ST6GAL1: variants seen among roughly 807,000 people sequenced by gnomAD.
The protein encoded by ST6GAL1 is beta-galactoside alpha-2,6-sialyltransferase 1.
A neutral mutation model predicts 38.0 loss-of-function variants in ST6GAL1; 20 were observed. The ratio of observed to expected loss-of-function variants is 0.53; its 90% CI spans 0.37 to 0.77. ST6GAL1 has a LOEUF of 0.77. Among genes scored for constraint, ST6GAL1 ranks in the 30% least tolerant of loss-of-function variants. The pLI is 0.00. For missense variants in ST6GAL1, 432 were observed against 496.4 expected (o/e 0.87, Z 1.23); for synonymous variants, 196 against 188.2 (o/e 1.04, Z -0.34).
chr3:186,985,422 A>T (rs1037567318), intron 2 of ST6GAL1, among the ~76,000 whole-genome samples: 48 of 150,584 alleles, frequency 3.2e-4, no homozygotes, highest in South Asian at 8.4e-4. Context: ...TGTTTAATAC[A>T]TTTTTTTTTA....
intron 1 of ST6GAL1, among the ~76,000 whole-genome samples, chr3:186,939,047 G>C (rs539778634): frequency 7.5e-6 from 1 of 133,766 alleles, no homozygotes; most frequent in Non-Finnish European, 1.7e-5. Context: ...TGAGGAGAGA[G>C]ACAGAAAGTC....
At chr3:187,073,135 C>A (rs1360134505) in intron 6 of ST6GAL1, among the ~76,000 whole-genome samples, 188 bp downstream of exon 6, 1 of 152,226 alleles carries the variant, frequency 6.6e-6, no homozygotes, top group Non-Finnish European at 1.5e-5. Context: ...ACCAGCTACT[C>A]TCTTTGCCGT....
At position 187,076,886 on chromosome 3, in the gene ST6GAL1, G is replaced by A. The variant is rs551456432; in HGVS notation, c.*1083G>A. Reference sequence around the variant, plus strand: ...ACGTGATTCCTCCAGGCTCTGCCTGGCCTGACCCTGTCCTGTCAGCTGGGT... The same window carrying A: ...ACGTGATTCCTCCAGGCTCTGCCTGACCTGACCCTGTCCTGTCAGCTGGGT... On this transcript the variant is annotated 3_prime_UTR_variant, in exon 8 of 8. Transcript: ENST00000169298. The A allele has an allele frequency of 4.7e-4, 188 of 398,708 alleles. No individual in the cohort carries two copies. The highest frequency in any genetic ancestry group is 2.8e-3 in the African/African-American group (136 of 48,584). 24.7% of individuals were successfully genotyped at this position (398,708 alleles called of 1,614,324 possible).
chr3:186,962,246 T>G (rs1423165991), intron 1 of ST6GAL1, among the ~76,000 whole-genome samples: 1 of 152,160 alleles, frequency 6.6e-6, no homozygotes, highest in Non-Finnish European at 1.5e-5. Context: ...TCTTTGTATC[T>G]AAGGGTTTCT....
intron 1 of ST6GAL1, among the ~76,000 whole-genome samples, chr3:186,934,905 TACAG>T (rs1713890950): frequency 6.6e-6 from 1 of 152,044 alleles, no homozygotes; most frequent in Non-Finnish European, 1.5e-5. Context: ...TAGCTGGGAC[TACAG>T]GTGCCCGCCA....
chr3:187,055,294 T>C (rs1718659023), intron 5 of ST6GAL1, among the ~76,000 whole-genome samples: 1 of 152,082 alleles, frequency 6.6e-6, no homozygotes, highest in Non-Finnish European at 1.5e-5. Flanking sequence ...GTTTTTTGTG[T>C]CTCTATCTCC....
At chr3:187,069,491 C>G (rs1719287495) in intron 5 of ST6GAL1, among the ~76,000 whole-genome samples, 1 of 152,168 alleles carries the variant, frequency 6.6e-6, no homozygotes, top group South Asian at 2.1e-4. Context: ...CCAGGAGTCC[C>G]CTTGGTCCCC....
At chr3:186,943,983 C>T (rs991608504) in intron 1 of ST6GAL1, among the ~76,000 whole-genome samples, 1 of 152,186 alleles carries the variant, frequency 6.6e-6, no homozygotes, top group Non-Finnish European at 1.5e-5. Flanking sequence ...CATCCCTTGC[C>T]GAATCCTCTT....
At chr3:187,038,088 C>T (rs1418423517) in intron 2 of ST6GAL1, among the ~76,000 whole-genome samples, 1 of 151,834 alleles carries the variant, frequency 6.6e-6, no homozygotes, top group Non-Finnish European at 1.5e-5. Flanking sequence ...GACCTAATTA[C>T]TCCCTGTTTA....
At chr3:186,967,628 T>C (rs116049391) in intron 2 of ST6GAL1, among the ~76,000 whole-genome samples, 5,428 of 151,966 alleles carry the variant, frequency 0.036, 105 homozygotes, top group Admixed American at 0.051. Flanking sequence ...AGGGAGTGAT[T>C]TGGGGAGGCA....
chr3:187,008,099 G>A (rs11710456), intron 2 of ST6GAL1, among the ~76,000 whole-genome samples: 49,550 of 151,890 alleles, frequency 0.33, 8,259 homozygotes, highest in South Asian at 0.44. Context: ...AAAAATACTG[G>A]TGCAGAAAAA....
intron 2 of ST6GAL1, among the ~76,000 whole-genome samples, chr3:186,991,587 C>T (rs1226804282): frequency 1.3e-5 from 2 of 152,126 alleles, no homozygotes; most frequent in African/African-American, 2.4e-5. Context: ...TGATACAGGC[C>T]ATTTCACTCA....
chr3:186,999,166 G>A (rs561027475), intron 2 of ST6GAL1, among the ~76,000 whole-genome samples: 80 of 152,282 alleles, frequency 5.3e-4, no homozygotes, highest in Middle Eastern at 3.4e-3. Context: ...ATGCATATGC[G>A]AAAGTTAAGG....
chr3:187,004,142 C>T (rs967324860), intron 2 of ST6GAL1, among the ~76,000 whole-genome samples: 5 of 152,214 alleles, frequency 3.3e-5, no homozygotes, highest in Admixed American at 1.3e-4. Flanking sequence ...CTTTTGCTTT[C>T]GCCATGTGAT....
At chr3:186,935,877 ACT>A (rs1280320350) in intron 1 of ST6GAL1, among the ~76,000 whole-genome samples, 1 of 152,036 alleles carries the variant, frequency 6.6e-6, no homozygotes, top group African/African-American at 2.4e-5. Context: ...CTCTAAGGTG[ACT>A]AGAACTAGTA....
At chr3:187,049,245 C>G (rs1579358937) in intron 4 of ST6GAL1, among the ~76,000 whole-genome samples, 1 of 152,316 alleles carries the variant, frequency 6.6e-6, no homozygotes, top group East Asian at 1.9e-4. Context: ...TCTGGATTTT[C>G]TCTGGGACTG....
chr3:186,987,146 AAGGG>A (rs1177454711), intron 2 of ST6GAL1, among the ~76,000 whole-genome samples: 2 of 129,620 alleles, frequency 1.5e-5, no homozygotes, highest in Admixed American at 8.7e-5. Flanking sequence ...AGAAAGAAGG[AAGGG>A]AGGGAGGGAG....
chr3:187,008,134 AAT>A (rs1200324063), intron 2 of ST6GAL1, among the ~76,000 whole-genome samples: 1 of 152,158 alleles, frequency 6.6e-6, no homozygotes, highest in African/African-American at 2.4e-5. Context: ...GAGTGGCTGA[AAT>A]AGTTTCAAAT....
chr3:186,936,363 C>T (rs1228183296), intron 1 of ST6GAL1, among the ~76,000 whole-genome samples: 1 of 152,120 alleles, frequency 6.6e-6, no homozygotes, highest in Non-Finnish European at 1.5e-5. Flanking sequence ...AGAATTTAGA[C>T]AGGGAATTAG....
Sources: gnomAD v4.1 joint callset for allele counts (sites outside exome capture counted in the v4.1 genomes callset) on GRCh38, gnomAD v4.1.1 for gene constraint, MANE v1.5 for transcripts, NCBI Gene and HGNC (gene_info 2026-07-23, HGNC 2026-07-21) for gene names.